Variants in FAM234A observed in about 807,000 individuals in gnomAD.
FAM234A encodes family with sequence similarity 234 member A, also known as protein FAM234A.
A neutral mutation model predicts 49.1 loss-of-function variants in FAM234A; 42 were observed. The observed-to-expected ratio is 0.86, with a 90% confidence interval of 0.67 to 1.11. FAM234A has a LOEUF of 1.11. Ranked by LOEUF, FAM234A falls within the 50% of genes least tolerant of loss-of-function variation. The probability of loss-of-function intolerance (pLI) is 0.00; values close to 1 mark genes in which losing one functional copy is unlikely to be tolerated. For missense variants in FAM234A, 815 were observed against 745.2 expected (o/e 1.09, Z -1.09); for synonymous variants, 369 against 316.2 (o/e 1.17, Z -1.77).
rs561292908 is a variant in FAM234A, at chr16:238,619, A to T, written c.-140+3762A>T. 1.6e-4 allele frequency among the ~76,000 whole-genome samples: 24 copies of T among 151,268 alleles called. No individual in the cohort carries two copies. In the South Asian group the frequency reaches 3.8e-3, roughly 24 times the overall value. ...GTCTCTACTAAAAATACAAAAAATT[A>T]GCCAGGCGTGGTGACGGGTGCCTGT... On this transcript the variant is annotated intron_variant, in intron 1 of 12. Transcript: ENST00000399932.
chr16:265,898 G>A lies in FAM234A; in HGVS notation c.*876G>A. On this transcript the variant is annotated 3_prime_UTR_variant, in exon 13 of 13. Transcript: ENST00000399932. The stretch of plus-strand genomic sequence containing the variant: ...AAGCGCCTGCCTCTCCCCTTCCGGT[G>A]CTCACACGCCCACGCCGTGCCACCC... The A allele has an allele frequency of 1.0e-6, 1 of 986,472 alleles. No individual in the cohort carries two copies. The highest frequency in any genetic ancestry group is 4.7e-5 in the South Asian group (1 of 21,306). The allele number at this position is 986,472 out of a possible 1,614,324, so 61.1% of individuals were successfully genotyped here. A position where few individuals can be genotyped will look rare whatever the true frequency, so the allele number is the denominator to read the frequency against.
chr16:261,339 A>T, intron 5 of FAM234A, 45 bp from the exon 6 acceptor site: 1 of 1,588,284 alleles, frequency 6.3e-7, no homozygotes. Context: ...GCTGCTGTTG[A>T]AGGGGACTCA....
intron 3 of FAM234A, 53 bp downstream of exon 3, chr16:254,734 A>G (rs1031136177): frequency 3.2e-5 from 51 of 1,587,074 alleles, no homozygotes; most frequent in Non-Finnish European, 4.3e-5. Flanking sequence ...TTCCCAGGGG[A>G]TGGGGCGGAG....
At chr16:235,716 T>C (rs2050375783) in intron 1 of FAM234A, among the ~76,000 whole-genome samples, 1 of 152,132 alleles carries the variant, frequency 6.6e-6, no homozygotes, top group Non-Finnish European at 1.5e-5. Context: ...GCAGAATAAC[T>C]CAACAAATAC....
At chr16:246,462 C>G (rs891977398) in intron 1 of FAM234A, among the ~76,000 whole-genome samples, 2 of 141,308 alleles carry the variant, frequency 1.4e-5, no homozygotes, top group Admixed American at 7.1e-5. Context: ...CTCTGTCGCC[C>G]AGGCTGGAGT....
Position 263,261 on chromosome 16 carries a change from G to A in FAM234A, c.972-1G>A, listed in dbSNP as rs1198571238. ...CCCCTTTCTCCCACTCTCCTGTCTA[G>A]CTCTGGAGCAGTGCGCTACCTGATG... On this transcript the variant is annotated splice_acceptor_variant, in intron 8 of 12. Transcript: ENST00000399932. LOFTEE classifies it high-confidence loss of function. The A allele has an allele frequency of 1.2e-6, 2 of 1,612,340 alleles. No homozygotes were observed. Among genetic ancestry groups the A allele is most frequent in the Non-Finnish European group, 1.7e-6 (2 of 1,179,942 alleles).
chr16:268,597 A>G (rs1337365827), downstream of FAM234A: 1 of 630,624 alleles, frequency 1.6e-6, no homozygotes, highest in Non-Finnish European at 2.8e-6. Context: ...GTGGGGTGAC[A>G]ATGTCAGAGT....
chr16:262,455 T>G lies in FAM234A; in HGVS notation c.873T>G (p.Gly291=), dbSNP rs1596846250. 5 of 1,610,828 alleles carry G rather than the reference T, an allele frequency of 3.1e-6. No individual in the cohort carries two copies. Among genetic ancestry groups the G allele is most frequent in the Non-Finnish European group, 4.2e-6 (5 of 1,178,454 alleles). The change falls in exon 8 of 13, where the codon GGT becomes GGG. Residue 291 remains glycine (G), a synonymous_variant. Coordinates refer to ENST00000399932, the MANE Select transcript of FAM234A (RefSeq NM_032039.4). ...CCCTCTGCGGCTGCTCTGTGAAGGG[T>G]CTCTACGAGAAGGTGACCGGGAGCG... ...ASSLCGCSVK[G]LYEKVTGSGG... is the part of the protein sequence containing the mutation.
chr16:268,825 G>A (rs139307060), downstream of FAM234A: 1,077 of 1,550,314 alleles, frequency 6.9e-4, 3 homozygotes, highest in African/African-American at 0.013. Context: ...CAGAGCTCGC[G>A]CCGAGACCTG....
At position 248,713 on chromosome 16, in the gene FAM234A, C is replaced by T. The variant is rs374534142; in HGVS notation, c.-139-836C>T. 9.7e-4 allele frequency among the ~76,000 whole-genome samples: 148 copies of T among 151,946 alleles called. 2 individuals carry two copies. Among genetic ancestry groups the T allele is most frequent in the African/African-American group, 3.5e-3 (145 of 41,294 alleles). ...ATCGCTCACTGCAGCCTTGACCTCC[C>T]GGGCTCAAGCAATCCTCCTGCCTCA... On this transcript the variant is annotated intron_variant, in intron 1 of 12. Transcript: ENST00000399932.
chr16:254,367 C>T lies in FAM234A; in HGVS notation c.-33-14C>T, dbSNP rs2051142217. ...GACTGCTGGCCTCGCCGACCTCTTG[C>T]TTTATCGACACAGTGACCAGGAGTT... is the stretch of plus-strand genomic sequence containing the variant. On this transcript the variant is annotated splice_polypyrimidine_tract_variant and intron_variant, in intron 2 of 12. Coordinates refer to ENST00000399932, the MANE Select transcript of FAM234A (RefSeq NM_032039.4). The T allele has an allele frequency of 1.2e-6, 2 of 1,604,262 alleles. No individual in the cohort carries two copies. The highest frequency in any genetic ancestry group is 1.7e-6 in the Non-Finnish European group (2 of 1,174,322).
chr16:253,527 T>TGC (rs2141274821), intron 2 of FAM234A, among the ~76,000 whole-genome samples: 1 of 151,982 alleles, frequency 6.6e-6, no homozygotes, highest in East Asian at 1.9e-4. Context: ...CAGGCTGGAG[T>TGC]GCACTGGCGT....
In FAM234A at chr16:234,835, C is replaced by G. The variant is rs2050338764; in HGVS notation, c.-162C>G. 2 of 152,548 alleles carry G rather than the reference C, an allele frequency of 1.3e-5. No homozygotes were observed. The highest frequency in any genetic ancestry group is 4.1e-4 in the South Asian group (2 of 4,862). 9.4% of individuals were successfully genotyped at this position (152,548 alleles called of 1,614,324 possible). A position where few individuals can be genotyped will look rare whatever the true frequency, so the allele number is the denominator to read the frequency against. On this transcript the variant is annotated 5_prime_UTR_variant, in exon 1 of 13. Transcript: ENST00000399932. ...CAGGGGGCGGGGCCAGCGGCGCGGTCGGGTGAGAGGCCGCGGCGGCAGGTG... is the reference window on the plus strand; with the variant it reads ...CAGGGGGCGGGGCCAGCGGCGCGGTGGGGTGAGAGGCCGCGGCGGCAGGTG...
In FAM234A at chr16:265,890, C is replaced by T; in HGVS notation, c.*868C>T. 1 of 986,464 alleles carries T rather than the reference C, an allele frequency of 1.0e-6. No individual in the cohort carries two copies. Among genetic ancestry groups the T allele is most frequent in the Non-Finnish European group, 1.2e-6 (1 of 830,532 alleles). 61.1% of individuals were successfully genotyped at this position (986,464 alleles called of 1,614,324 possible). On this transcript the variant is annotated 3_prime_UTR_variant, in exon 13 of 13. Transcript: ENST00000399932. Reference sequence around the variant, plus strand: ...GGCATGGCAAGCGCCTGCCTCTCCCCTTCCGGTGCTCACACGCCCACGCCG... The same window carrying T: ...GGCATGGCAAGCGCCTGCCTCTCCCTTTCCGGTGCTCACACGCCCACGCCG...
At chr16:267,904 A>G (rs1265808408), downstream of FAM234A, among the ~76,000 whole-genome samples, 2 of 145,952 alleles carry the variant, frequency 1.4e-5, no homozygotes, top group Non-Finnish European at 3.0e-5. Flanking sequence ...CCACACATGC[A>G]TGCCTCACAG....
downstream of FAM234A, among the ~76,000 whole-genome samples, chr16:266,438 A>G (rs1031565099): frequency 6.6e-6 from 1 of 152,074 alleles, no homozygotes; most frequent in Non-Finnish European, 1.5e-5. Context: ...GTCCAGCGTG[A>G]AGGGATGATG....
chr16:242,630 TGA>T (rs1442751470), intron 1 of FAM234A, among the ~76,000 whole-genome samples: 1 of 149,022 alleles, frequency 6.7e-6, no homozygotes, highest in East Asian at 1.9e-4. Flanking sequence ...TTTTTTTTTC[TGA>T]GACAGAGTCT....
chr16:238,391 C>T (rs1238781450), intron 1 of FAM234A, among the ~76,000 whole-genome samples: 1 of 152,148 alleles, frequency 6.6e-6, no homozygotes, highest in Non-Finnish European at 1.5e-5. Flanking sequence ...CCTATGATTT[C>T]AGCTGGGGTG....
At chr16:256,802 G>T (rs2141300983) in intron 3 of FAM234A, among the ~76,000 whole-genome samples, 1 of 151,228 alleles carries the variant, frequency 6.6e-6, no homozygotes, top group Non-Finnish European at 1.5e-5. Flanking sequence ...GAGTGCAATG[G>T]CCTGATCTCA....
Sources: gnomAD v4.1 joint callset for allele counts (sites outside exome capture counted in the v4.1 genomes callset) on GRCh38, gnomAD v4.1.1 for gene constraint, MANE v1.5 for transcripts, NCBI Gene and HGNC (gene_info 2026-07-23, HGNC 2026-07-21) for gene names.